Variants in ASAP1 observed in about 807,000 individuals in gnomAD.
ASAP1 encodes the protein arf-GAP with SH3 domain, ANK repeat and PH domain-containing protein 1.
A neutral mutation model predicts 145.2 loss-of-function variants in ASAP1; 43 were observed. The observed-to-expected ratio is 0.30, with a 90% CI of 0.23 to 0.38. The LOEUF is 0.38. Ranked by LOEUF, ASAP1 falls within the 10% of genes least tolerant of loss-of-function variation. The pLI, the probability that ASAP1 is intolerant of heterozygous loss-of-function variation, is 1.00. For missense variants in ASAP1, 1,018 were observed against 1,355.3 expected, an observed-to-expected ratio of 0.75 and a Z score of 3.91; for synonymous variants, 546 against 515.5, an observed-to-expected ratio of 1.06 and a Z score of -0.80.
chr8:130,358,322 G>A lies in ASAP1; in HGVS notation c.60-179C>T, dbSNP rs991148131. On this transcript the variant is annotated intron_variant, in intron 2 of 29. Transcript: ENST00000518721. The surrounding 1 kb of genome is among the most constrained non-coding windows in gnomAD (Gnocchi z 4.1). ...AGAGGGAGGGAAGGAGGCGGGCGAA[G>A]GCAGGCGGCGGCGGCGCTGGCGGGG... Among the ~76,000 whole-genome samples the A allele has an allele frequency of 6.7e-6, 1 of 149,288 alleles. No individual in the cohort carries two copies. Among genetic ancestry groups the A allele is most frequent in the African/African-American group, 2.4e-5 (1 of 41,052 alleles).
intron 9 of ASAP1, 25 bp from the exon 10 acceptor site, chr8:130,169,092 T>A: frequency 7.4e-7 from 1 of 1,353,118 alleles, no homozygotes; most frequent in Non-Finnish European, 1.0e-6. Context: ...ATCAGAGATT[T>A]ACCACCAGTA....
intron 3 of ASAP1, among the ~76,000 whole-genome samples, chr8:130,247,356 A>G (rs542513596): frequency 1.3e-5 from 2 of 152,274 alleles, no homozygotes; most frequent in South Asian, 2.1e-4. Flanking sequence ...TCTATTACCT[A>G]TGTTTGACAG....
chr8:130,084,406 T>C (rs546188446), intron 25 of ASAP1: 2 of 152,228 alleles, frequency 1.3e-5, no homozygotes, highest in East Asian at 1.9e-4. Flanking sequence ...TCTGTGCAAT[T>C]TGGAAAAAGG....
At chr8:130,443,155 G>A (rs996454340) in intron 1 of ASAP1, among the ~76,000 whole-genome samples, 2 of 151,962 alleles carry the variant, frequency 1.3e-5, no homozygotes, top group Non-Finnish European at 2.9e-5. Flanking sequence ...CCCCCAGGGC[G>A]GGCCCCGTCC....
At chr8:130,371,093 G>A (rs553765702) in intron 2 of ASAP1, among the ~76,000 whole-genome samples, 2 of 152,262 alleles carry the variant, frequency 1.3e-5, no homozygotes, top group South Asian at 2.1e-4. Context: ...AAGATGGAAG[G>A]CATACCTTAC....
chr8:130,262,306 A>G (rs1191421935), intron 3 of ASAP1, among the ~76,000 whole-genome samples: 1 of 148,694 alleles, frequency 6.7e-6, no homozygotes, highest in Non-Finnish European at 1.5e-5. Context: ...GAGGCAGGAC[A>G]ATAGCTTGAA....
chr8:130,421,276 G>C (rs549599803), intron 1 of ASAP1, among the ~76,000 whole-genome samples: 6 of 152,242 alleles, frequency 3.9e-5, no homozygotes, highest in African/African-American at 4.8e-5. Context: ...TATAGCCCTG[G>C]TCACAAATAT....
At chr8:130,102,280 T>C (rs1027072585) in intron 24 of ASAP1, among the ~76,000 whole-genome samples, 5 of 152,262 alleles carry the variant, frequency 3.3e-5, no homozygotes, top group Admixed American at 1.3e-4. Context: ...CTTCTATACC[T>C]AATTTATTGA....
At chr8:130,100,536 C>G (rs1044753513) in intron 24 of ASAP1, among the ~76,000 whole-genome samples, 2 of 152,052 alleles carry the variant, frequency 1.3e-5, no homozygotes, top group African/African-American at 4.8e-5. Context: ...ACCATGTTGG[C>G]CAGGCTGGTC....
intron 4 of ASAP1, among the ~76,000 whole-genome samples, chr8:130,220,569 G>T (rs1306110986): frequency 3.3e-5 from 5 of 152,178 alleles, no homozygotes; most frequent in Non-Finnish European, 7.3e-5. Context: ...GGGTGCAGTG[G>T]TTCATACCTG....
At chr8:130,145,186 C>T (rs1201377910) in intron 13 of ASAP1, among the ~76,000 whole-genome samples, 3 of 152,204 alleles carry the variant, frequency 2.0e-5, no homozygotes, top group African/African-American at 7.2e-5. Flanking sequence ...TTTAAATTCA[C>T]ATTTCCTATT....
intron 1 of ASAP1, among the ~76,000 whole-genome samples, chr8:130,434,979 AG>A (rs1424288552): frequency 1.3e-5 from 2 of 152,188 alleles, no homozygotes; most frequent in Non-Finnish European, 2.9e-5. Context: ...GGCGAGGTGA[AG>A]GAAGTTCCCA....
Position 130,054,501 on chromosome 8 carries a change from G to C in ASAP1, c.*230C>G, listed in dbSNP as rs2097399360. ...GAGAGATGTAAGTGCTAGATGCCAA[G>C]GATGGCTTTGGCAAACCAGTAAGGC... is the stretch of plus-strand genomic sequence containing the variant. On this transcript the variant is annotated 3_prime_UTR_variant, in exon 30 of 30. Coordinates refer to ENST00000518721, the MANE Select transcript of ASAP1 (RefSeq NM_018482.4). 2.2e-6 allele frequency: 1 copy of C among 446,642 alleles called. No individual in the cohort carries two copies. The allele number at this position is 446,642 out of a possible 1,614,324, so 27.7% of individuals were successfully genotyped here. A position where few individuals can be genotyped will look rare whatever the true frequency, so the allele number is the denominator to read the frequency against.
chr8:130,276,195 T>C lies in ASAP1; in HGVS notation c.187-39201A>G, dbSNP rs145485209. Among the ~76,000 whole-genome samples, 30 of 152,308 alleles carry C rather than the reference T, an allele frequency of 2.0e-4. 2 individuals are homozygous for C. In the East Asian group the frequency reaches 5.8e-3, roughly 29 times the overall value. ...GATGTTCCTGGGCACAGCAAACTCC[T>C]AGAGCTTCGTTCCTCATTTGTTTAA... On this transcript the variant is annotated intron_variant, in intron 3 of 29. Transcript: ENST00000518721.
rs753884256 is a variant in ASAP1 at position 130,152,736 on chromosome 8, T to C, written c.1080A>G (p.Thr360=). 4 of 1,609,706 alleles carry C rather than the reference T, an allele frequency of 2.5e-6. No homozygotes were observed. Among genetic ancestry groups the C allele is most frequent in the South Asian group, 1.1e-5 (1 of 90,728 alleles). ...KNGILTISHA[T]SNRQPAKLNL... is the part of the protein sequence containing the mutation. ...AGGGTAAATTAAGAAACATACTTAC[T>C]GTGGCATGTGAGATGGTCAGAATCC... Residue 360 remains threonine, a splice_region_variant and synonymous_variant, in exon 13 of 30, where the codon ACA becomes ACG. Transcript: ENST00000518721.
chr8:130,366,604 T>C (rs1826959840), intron 2 of ASAP1, among the ~76,000 whole-genome samples: 1 of 152,184 alleles, frequency 6.6e-6, no homozygotes, highest in South Asian at 2.1e-4. Context: ...TTATAACCTT[T>C]CTAGGGGCTA....
At chr8:130,377,172 T>C (rs570600729) in intron 2 of ASAP1, among the ~76,000 whole-genome samples, 1 of 151,814 alleles carries the variant, frequency 6.6e-6, no homozygotes, top group African/African-American at 2.4e-5. Context: ...AGCTAAGCTA[T>C]GAGGATGCAC....
intron 18 of ASAP1, among the ~76,000 whole-genome samples, chr8:130,120,520 T>C (rs2097564124): frequency 6.6e-6 from 1 of 152,214 alleles, no homozygotes; most frequent in Admixed American, 6.5e-5. Flanking sequence ...TTTGAAAGCT[T>C]CCTTCCCATT....
intron 1 of ASAP1, among the ~76,000 whole-genome samples, chr8:130,413,820 T>C (rs1829363294): frequency 6.6e-6 from 1 of 152,234 alleles, no homozygotes; most frequent in South Asian, 2.1e-4. Flanking sequence ...AGATAACATC[T>C]AATGAGTGCC....
Sources: gnomAD v4.1 joint callset for allele counts (sites outside exome capture counted in the v4.1 genomes callset) on GRCh38, gnomAD v4.1.1 for gene constraint, Gnocchi (gnomAD v3.1) non-coding constraint, MANE v1.5 for transcripts, NCBI Gene and HGNC (gene_info 2026-07-23, HGNC 2026-07-21) for gene names.